The following FAF2 variants were observed in gnomAD, a reference collection of about 807,000 sequenced individuals.
The protein encoded by FAF2 is FAS-associated factor 2.
FAF2 carries 9 observed loss-of-function variants against 62.3 expected under a neutral mutation model. The ratio of observed to expected loss-of-function variants is 0.14; its 90% CI spans 0.09 to 0.25. The LOEUF (loss-of-function observed/expected upper bound fraction) is 0.25, where lower values mean the gene tolerates loss of function less well. Ranked by LOEUF, FAF2 falls within the 10% of genes least tolerant of loss-of-function variation. The pLI is 1.00. For missense variants in FAF2, 368 were observed against 556.2 expected (o/e 0.66, Z 3.40); for synonymous variants, 202 against 198.0 (o/e 1.02, Z -0.17).
chr5:176,451,829 C>CAT lies in FAF2; in HGVS notation c.63+3371_63+3372dup, dbSNP rs869212519. ...ATATATACACACATATATATATATACATATATATATATACACACATATATA... is the reference window on the plus strand; with the variant it reads ...ATATATACACACATATATATATATACATATATATATATATACACACATATATA... On this transcript the variant is annotated intron_variant, in intron 1 of 10. Coordinates refer to ENST00000261942, the MANE Select transcript of FAF2 (RefSeq NM_014613.3). 5.5e-3 allele frequency among the ~76,000 whole-genome samples: 124 copies of CAT among 22,582 alleles called. 12 individuals are homozygous for CAT. The highest frequency in any genetic ancestry group is 7.2e-3 in the Non-Finnish European group (84 of 11,670). The allele number at this position is 22,582 out of a possible 152,430, so 14.8% of individuals were successfully genotyped here. A position where few individuals can be genotyped will look rare whatever the true frequency, so the allele number is the denominator to read the frequency against.
chr5:176,489,603 T>G (rs1275642954), intron 4 of FAF2, among the ~76,000 whole-genome samples: 2 of 152,154 alleles, frequency 1.3e-5, no homozygotes, highest in Non-Finnish European at 2.9e-5. Context: ...AGTGCCACCA[T>G]CTCGACTCAC....
intron 10 of FAF2, 115 bp downstream of exon 10, chr5:176,500,261 CAGAGAGAG>C: frequency 1.1e-6 from 1 of 895,170 alleles, no homozygotes; most frequent in Non-Finnish European, 1.7e-6. Context: ...GAACAGGGAA[CAGAGAGAG>C]AGAGAGAGAG....
At position 176,509,522 on chromosome 5, in the gene FAF2, C is replaced by T. The variant is rs763518772; in HGVS notation, c.*2572C>T. 3.9e-5 allele frequency: 6 copies of T among 152,458 alleles called. No individual in the cohort carries two copies. Among genetic ancestry groups the T allele is most frequent in the Non-Finnish European group, 5.9e-5 (4 of 68,040 alleles). 9.4% of individuals were successfully genotyped at this position (152,458 alleles called of 1,614,324 possible). On this transcript the variant is annotated 3_prime_UTR_variant, in exon 11 of 11. Transcript: ENST00000261942. The stretch of plus-strand genomic sequence containing the variant: ...TGAAGTTGTAGATTGAGCTGAATAA[C>T]CATGGGAAGTGACCAAGCAAAGACA...
intron 1 of FAF2, among the ~76,000 whole-genome samples, chr5:176,471,505 C>T (rs1758569100): frequency 6.6e-6 from 1 of 151,188 alleles, no homozygotes; most frequent in South Asian, 2.1e-4. Flanking sequence ...GCCTCAGCCT[C>T]CTGAGTAGCT....
At chr5:176,479,379 A>T (rs1222109877) in intron 2 of FAF2, 123 bp downstream of exon 2, 2 of 773,304 alleles carry the variant, frequency 2.6e-6, no homozygotes, top group African/African-American at 3.5e-5. Context: ...GACTCTAAAA[A>T]TAAAAGTGCA....
In FAF2 at chr5:176,492,308, C is replaced by G. The variant is rs1310337551; in HGVS notation, c.459C>G (p.Val153=). The G allele has an allele frequency of 6.2e-7, 1 of 1,613,996 alleles. No homozygotes were observed. Among genetic ancestry groups the G allele is most frequent in the Non-Finnish European group, 8.5e-7 (1 of 1,179,958 alleles). Residue 153 remains valine (V), a synonymous_variant, in exon 5 of 11, where the codon GTC becomes GTG. Transcript: ENST00000261942. ...FEEKYGRAHP[V]FYQGTYSQAL... ...AGAAATATGGGAGGGCACACCCTGT[C>G]TTCTACCAGGGAACGTACAGCCAGG...
intron 1 of FAF2, among the ~76,000 whole-genome samples, chr5:176,476,073 T>C (rs1758682750): frequency 1.3e-5 from 2 of 152,174 alleles, no homozygotes; most frequent in Admixed American, 1.3e-4. Context: ...CTGGGCAACA[T>C]GGTGAAATCC....
At chr5:176,480,804 G>A (rs890829374) in intron 2 of FAF2, among the ~76,000 whole-genome samples, 1 of 148,948 alleles carries the variant, frequency 6.7e-6, no homozygotes, top group East Asian at 2.0e-4. Context: ...CTCTCGGGGG[G>A]TGGGGGGCTG....
At chr5:176,461,312 CTTTTTTTTTTT>C (rs60608969) in intron 1 of FAF2, among the ~76,000 whole-genome samples, 1 of 70,732 alleles carries the variant, frequency 1.4e-5, no homozygotes, top group Non-Finnish European at 2.4e-5. Context: ...CTGTGCCCAG[CTTTTTTTTTTT>C]TTTTTTTTTT....
At chr5:176,450,794 C>G (rs1258752074) in intron 1 of FAF2, among the ~76,000 whole-genome samples, 1 of 152,050 alleles carries the variant, frequency 6.6e-6, no homozygotes, top group Non-Finnish European at 1.5e-5. Flanking sequence ...ACCTCGTGAT[C>G]CGCCCTCCTC....
chr5:176,493,171 C>G (rs1350581392), intron 5 of FAF2, among the ~76,000 whole-genome samples: 1 of 152,236 alleles, frequency 6.6e-6, no homozygotes, highest in Non-Finnish European at 1.5e-5. Flanking sequence ...CTGAATCTAT[C>G]TGGAGAAAGA....
At chr5:176,505,669 C>G (rs1193222426) in intron 10 of FAF2, among the ~76,000 whole-genome samples, 1 of 152,152 alleles carries the variant, frequency 6.6e-6, no homozygotes, top group Non-Finnish European at 1.5e-5. Flanking sequence ...TTTGCCTTTG[C>G]GTCCTCATAG....
chr5:176,486,993 G>C (rs1259866275), intron 3 of FAF2, among the ~76,000 whole-genome samples: 1 of 152,206 alleles, frequency 6.6e-6, no homozygotes, highest in Non-Finnish European at 1.5e-5. Flanking sequence ...TCTATTGAAG[G>C]AAGTCAGATG....
chr5:176,468,341 T>G (rs1296961370), intron 1 of FAF2, among the ~76,000 whole-genome samples: 1 of 152,122 alleles, frequency 6.6e-6, no homozygotes, highest in African/African-American at 2.4e-5. Context: ...TCCCAGCACT[T>G]TGGGAGGCCG....
intron 1 of FAF2, among the ~76,000 whole-genome samples, chr5:176,459,422 C>T (rs562607674): frequency 1.1e-3 from 174 of 152,002 alleles, no homozygotes; most frequent in African/African-American, 3.9e-3. Flanking sequence ...CCACACCCAG[C>T]TAATTTTTTT....
intron 1 of FAF2, among the ~76,000 whole-genome samples, chr5:176,469,424 G>A (rs539026423): frequency 2.6e-5 from 4 of 152,140 alleles, no homozygotes; most frequent in African/African-American, 9.7e-5. Flanking sequence ...AGAATTGGTA[G>A]CAAAGCTAAT....
At chr5:176,504,080 C>G (rs981653080) in intron 10 of FAF2, among the ~76,000 whole-genome samples, 5 of 151,946 alleles carry the variant, frequency 3.3e-5, no homozygotes, top group Non-Finnish European at 2.9e-5. Context: ...GTACTCCAGC[C>G]TGGGCGACAG....
intron 4 of FAF2, among the ~76,000 whole-genome samples, chr5:176,490,092 A>G (rs969522349): frequency 6.6e-6 from 1 of 152,114 alleles, no homozygotes; most frequent in Non-Finnish European, 1.5e-5. Flanking sequence ...TGGGCGGATC[A>G]CAACGTCAGG....
intron 2 of FAF2, among the ~76,000 whole-genome samples, chr5:176,485,456 G>A (rs1396768746): frequency 6.6e-6 from 1 of 152,132 alleles, no homozygotes; most frequent in African/African-American, 2.4e-5. Context: ...ACAAAGACAT[G>A]CTTATCAGGT....
Sources: allele counts gnomAD v4.1 joint callset (sites outside exome capture counted in the v4.1 genomes callset), GRCh38; gene constraint gnomAD v4.1.1; transcripts MANE v1.5; gene names NCBI Gene and HGNC (gene_info 2026-07-23, HGNC 2026-07-21).